Variants in KRT1 observed in about 807,000 individuals in gnomAD.
The protein encoded by KRT1 is keratin, type II cytoskeletal 1.
KRT1 carries 28 observed loss-of-function variants against 51.6 expected under a neutral mutation model. The observed-to-expected ratio is 0.54, with a 90% confidence interval of 0.40 to 0.74. The LOEUF (loss-of-function observed/expected upper bound fraction) is 0.74. Among genes scored for constraint, KRT1 ranks in the 30% least tolerant of loss-of-function variants. The probability of loss-of-function intolerance (pLI) is 0.00; values close to 1 mark genes in which losing one functional copy is unlikely to be tolerated. For missense variants in KRT1, 783 were observed against 815.5 expected, an observed-to-expected ratio of 0.96 and a Z score of 0.49; for synonymous variants, 301 against 307.7, an observed-to-expected ratio of 0.98 and a Z score of 0.23.
Position 52,675,011 on chromosome 12 carries a change from G to T in KRT1, c.*182C>A. ...TAGCCAGGGGACTGAGATTGCCACT[G>T]ATCTGAAAACTTCATTGGGAAACAG... On this transcript the variant is annotated 3_prime_UTR_variant, in exon 9 of 9. Coordinates refer to ENST00000252244, the MANE Select transcript of KRT1 (RefSeq NM_006121.4). The T allele has an allele frequency of 3.5e-6, 3 of 867,852 alleles. No individual in the cohort carries two copies. The highest frequency in any genetic ancestry group is 1.4e-5 in the South Asian group (1 of 69,278). The allele number at this position is 867,852 out of a possible 1,614,324, so 53.8% of individuals were successfully genotyped here.
Position 52,677,700 on chromosome 12 carries a change from G to T in KRT1, c.913C>A (p.Leu305Ile), listed in dbSNP as rs1481400427. 6.2e-7 allele frequency: 1 copy of T among 1,614,202 alleles called. No individual in the cohort carries two copies. Among genetic ancestry groups the T allele is most frequent in the Non-Finnish European group, 8.5e-7 (1 of 1,180,036 alleles). ...TCAATTTCCTGCTGCAAGTTGTCAAGTTTGGCCTGAAGGTCCACCTTGGTC... is the reference window on the plus strand; with the variant it reads ...TCAATTTCCTGCTGCAAGTTGTCAATTTTGGCCTGAAGGTCCACCTTGGTC... ...YMTKVDLQAK[L>I]DNLQQEIDFL... is the part of the protein sequence containing the mutation. The change falls in exon 4 of 9, where the codon CTT (leucine) becomes ATT (isoleucine). Residue 305 changes from leucine (L) to isoleucine (I), a missense_variant. Transcript: ENST00000252244.
chr12:52,675,857 C>T, intron 7 of KRT1, 113 bp from the exon 8 acceptor site: 1 of 1,237,376 alleles, frequency 8.1e-7, no homozygotes, highest in Non-Finnish European at 1.2e-6. Context: ...CTCCAATGCA[C>T]TTAATCTGAA....
In KRT1 at chr12:52,677,496, G is replaced by A. The variant is rs1941527469; in HGVS notation, c.964-16C>T. On this transcript the variant is annotated splice_polypyrimidine_tract_variant and intron_variant, in intron 4 of 8. Coordinates refer to ENST00000252244, the MANE Select transcript of KRT1 (RefSeq NM_006121.4). ...GAGACAACTCCTGCAAGACATAATA[G>A]GTTAGTGACTCTTACAGCACTAAAA... 1.9e-6 allele frequency: 3 copies of A among 1,614,132 alleles called. No homozygotes were observed. Among genetic ancestry groups the A allele is most frequent in the Non-Finnish European group, 2.5e-6 (3 of 1,179,988 alleles).
intron 6 of KRT1, among the ~76,000 whole-genome samples, chr12:52,676,751 C>G (rs1390374440): frequency 1.3e-5 from 2 of 152,180 alleles, no homozygotes; most frequent in African/African-American, 4.8e-5. Context: ...CTTCTAAACA[C>G]CTACTCTAAA....
Position 52,678,205 on chromosome 12 carries a change from G to A in KRT1, c.825C>T (p.Asn275=), listed in dbSNP as rs2121006828. 6.2e-7 allele frequency: 1 copy of A among 1,614,068 alleles called. No homozygotes were observed. The highest frequency in any genetic ancestry group is 2.2e-5 in the East Asian group (1 of 44,890). Residue 275 remains asparagine, a synonymous_variant, in exon 3 of 9, where the codon AAC becomes AAT. Transcript: ENST00000252244. ...ATTCATTCTCTGCATTTGTCCGCTT[G>A]TTGATTTCATCCTCATACCTGCAGG... ...DYRNKYEDEI[N]KRTNAENEFV...
chr12:52,679,940 C>T lies in KRT1; in HGVS notation c.409G>A (p.Gly137Ser), dbSNP rs573966604. ...GGFGGGGFGGGGYGGGYGPVC... is the reference protein window; with the variant it reads ...GGFGGGGFGGSGYGGGYGPVC... ...GGACCATAACCACCCCCATATCCAC[C>T]ACCCCCAAAGCCACCTCCACCAAAA... Residue 137 changes from glycine (G) to serine (S), a missense_variant, in exon 1 of 9, where the codon GGT becomes AGT. Gly to Ser is a moderately conservative substitution (Grantham distance 56). Coordinates refer to ENST00000252244, the MANE Select transcript of KRT1 (RefSeq NM_006121.4). 12 of 1,613,698 alleles carry T rather than the reference C, an allele frequency of 7.4e-6. No homozygotes were observed. The highest frequency in any genetic ancestry group is 3.3e-5 in the Admixed American group (2 of 59,994).
chr12:52,679,637 C>CA (rs1273881945), intron 1 of KRT1, 121 bp downstream of exon 1: 1 of 915,342 alleles, frequency 1.1e-6, no homozygotes, highest in Admixed American at 1.8e-5. Flanking sequence ...GACCATTCCA[C>CA]AAAACATCCT....
Position 52,677,785 on chromosome 12 carries a change from A to G in KRT1, c.868-40T>C, listed in dbSNP as rs767331118. 8 of 1,548,546 alleles carry G rather than the reference A, an allele frequency of 5.2e-6. No individual in the cohort carries two copies. In the African/African-American group the frequency reaches 9.5e-5, roughly 18 times the overall value. The stretch of plus-strand genomic sequence containing the variant: ...GACATCATGAAGGCACATTCTCTCC[A>G]GGGCAGGTCCCTCTCATTACCTGTG... On this transcript the variant is annotated intron_variant, in intron 3 of 8. Coordinates refer to ENST00000252244, the MANE Select transcript of KRT1 (RefSeq NM_006121.4).
rs1238281020 is a variant in KRT1, at chr12:52,677,411, G to A, written c.1033C>T (p.Leu345Phe). Residue 345 changes from leucine (L) to phenylalanine (F), a missense_variant, in exon 5 of 9, where the codon CTC (leucine) becomes TTC (phenylalanine). Coordinates refer to ENST00000252244, the MANE Select transcript of KRT1 (RefSeq NM_006121.4). The stretch of plus-strand genomic sequence containing the variant: ...TCAGCAATGATGCTGTCCAGGTCGA[G>A]ACTGCGGTTGTTGTCCATAGAGAGG... The part of the protein sequence containing the change: ...VILSMDNNRS[L>F]DLDSIIAEVK... The A allele has an allele frequency of 1.9e-6, 3 of 1,614,112 alleles. No individual in the cohort carries two copies. Among genetic ancestry groups the A allele is most frequent in the Non-Finnish European group, 2.5e-6 (3 of 1,180,046 alleles).
Position 52,679,947 on chromosome 12 carries a change from A to T in KRT1, c.402T>A (p.Phe134Leu). Residue 134 changes from phenylalanine to leucine, a missense_variant, in exon 1 of 9, where the codon TTT becomes TTA. Phe to Leu is a conservative substitution (Grantham distance 22). Transcript: ENST00000252244. ...SGGGGFGGGG[F>L]GGGGYGGGYG... ...AACCACCCCCATATCCACCACCCCC[A>T]AAGCCACCTCCACCAAAACCACCAC... 1 of 1,611,996 alleles carries T rather than the reference A, an allele frequency of 6.2e-7. No individual in the cohort carries two copies. Among genetic ancestry groups the T allele is most frequent in the Non-Finnish European group, 8.5e-7 (1 of 1,179,308 alleles).
At chr12:52,676,763 C>T (rs1162238776) in intron 6 of KRT1, among the ~76,000 whole-genome samples, 1 of 152,174 alleles carries the variant, frequency 6.6e-6, no homozygotes, top group Non-Finnish European at 1.5e-5. Flanking sequence ...TACTCTAAAA[C>T]CTCCTGGCTG....
chr12:52,675,663 G>A (rs2120998787), intron 8 of KRT1, 46 bp from the exon 9 acceptor site: 1 of 1,614,200 alleles, frequency 6.2e-7, no homozygotes, highest in Non-Finnish European at 8.5e-7. Context: ...TCCGTTTCCA[G>A]CCCAACAAAG....
chr12:52,675,380 C>T lies in KRT1; in HGVS notation c.1748G>A (p.Ser583Asn), dbSNP rs1275469442. 11 of 1,607,068 alleles carry T rather than the reference C, an allele frequency of 6.8e-6. No individual in the cohort carries two copies. The highest frequency in any genetic ancestry group is 8.5e-6 in the Non-Finnish European group (10 of 1,178,088). ...GGHGSYGSGS[S>N]SGGYRGGSGG... is the part of the protein sequence containing the mutation. Reference sequence around the variant, plus strand: ...AGAGCCACCTCTGTAGCCCCCACTGCTGCTTCCGGAGCCGTAGCTGCCATG... The same window carrying T: ...AGAGCCACCTCTGTAGCCCCCACTGTTGCTTCCGGAGCCGTAGCTGCCATG... The change falls in exon 9 of 9, where the codon AGC (serine) becomes AAC (asparagine). Residue 583 changes from serine (S) to asparagine (N), a missense_variant. By Grantham distance (46) the Ser-to-Asn change is conservative. Transcript: ENST00000252244.
Position 52,677,433 on chromosome 12 carries a change from G to C in KRT1, c.1011C>G (p.Leu337=). 1.2e-6 allele frequency: 2 copies of C among 1,614,248 alleles called. No individual in the cohort carries two copies. Among genetic ancestry groups the C allele is most frequent in the Non-Finnish European group, 1.7e-6 (2 of 1,180,048 alleles). ...QTQISETNVI[L]SMDNNRSLDL... ...CGAGACTGCGGTTGTTGTCCATAGA[G>C]AGGATGACATTAGTTTCACTGATTT... Residue 337 remains leucine, a synonymous_variant, in exon 5 of 9, where the codon CTC becomes CTG. Coordinates refer to ENST00000252244, the MANE Select transcript of KRT1 (RefSeq NM_006121.4).
In KRT1 at chr12:52,677,352, C is replaced by A. The variant is rs1357363912; in HGVS notation, c.1092G>T (p.Lys364Asn). ...ACAAGGACTCGGCCTCAGCTTTGCTCTTCTGGGCTATATCCTCGTACTGGG... is the reference window on the plus strand; with the variant it reads ...ACAAGGACTCGGCCTCAGCTTTGCTATTCTGGGCTATATCCTCGTACTGGG... ...VKAQYEDIAQKSKAEAESLYQ... is the reference protein window; with the variant it reads ...VKAQYEDIAQNSKAEAESLYQ... Residue 364 changes from lysine to asparagine, a missense_variant, in exon 5 of 9, where the codon AAG becomes AAT. Lys to Asn is a moderately conservative substitution (Grantham distance 94). Transcript: ENST00000252244. The A allele has an allele frequency of 1.9e-6, 3 of 1,614,126 alleles. No individual in the cohort carries two copies. The highest frequency in any genetic ancestry group is 1.3e-5 in the African/African-American group (1 of 74,948).
In KRT1 at chr12:52,677,178, C is replaced by A; in HGVS notation, c.1135G>T (p.Glu379Ter). ...TGTCTGCCAGCAGTGATCTGCAGCT[C>A]TTCATACTAAAGATGGTAGATAGCG... is the stretch of plus-strand genomic sequence containing the variant. ...AESLYQSKYE[E>*]LQITAGRHGD... Residue 379 changes from glutamate (E) to a stop codon, truncating the protein, a stop_gained, in exon 6 of 9, where the codon GAG becomes TAG. Coordinates refer to ENST00000252244, the MANE Select transcript of KRT1 (RefSeq NM_006121.4). LOFTEE classifies it high-confidence loss of function. The A allele has an allele frequency of 6.2e-7, 1 of 1,614,210 alleles. No individual in the cohort carries two copies. The highest frequency in any genetic ancestry group is 8.5e-7 in the Non-Finnish European group (1 of 1,180,050).
At position 52,675,483 on chromosome 12, in the gene KRT1, G is replaced by A. The variant is rs770107423; in HGVS notation, c.1645C>T (p.Arg549Cys). Residue 549 changes from arginine (R) to cysteine (C), a missense_variant, in exon 9 of 9, where the codon CGT (arginine) becomes TGT (cysteine). Coordinates refer to ENST00000252244, the MANE Select transcript of KRT1 (RefSeq NM_006121.4). ...YGSGGGGGGG[R>C]GSYGSGGSSY... ...CTACCTCCGGAGCCATAGCTGCCAC[G>A]GCCGCCGCCGCCGCCACCTCCAGAA... 1 of 1,477,544 alleles carries A rather than the reference G, an allele frequency of 6.8e-7. No individual in the cohort carries two copies. Among genetic ancestry groups the A allele is most frequent in the Non-Finnish European group, 9.2e-7 (1 of 1,089,074 alleles). 91.5% of individuals were successfully genotyped at this position (1,477,544 alleles called of 1,614,324 possible).
At chr12:52,679,368 C>A (rs1186422477) in intron 1 of KRT1, among the ~76,000 whole-genome samples, 1 of 152,142 alleles carries the variant, frequency 6.6e-6, no homozygotes, top group South Asian at 2.1e-4. Context: ...ACACTCTATA[C>A]TATGTTCACA....
Position 52,679,452 on chromosome 12 carries a change from C to T in KRT1, c.591+306G>A, listed in dbSNP as rs542953705. Among the ~76,000 whole-genome samples, 9 of 152,238 alleles carry T rather than the reference C, an allele frequency of 5.9e-5. No individual in the cohort carries two copies. The South Asian group carries it at 1.7e-3, about 28-fold the overall frequency. On this transcript the variant is annotated intron_variant, in intron 1 of 8. Transcript: ENST00000252244. ...GCACCCTGGAAAGTTCAGTTAGCCCCATTTCTATTATCTTCATTCAACAGA... is the reference window on the plus strand; with the variant it reads ...GCACCCTGGAAAGTTCAGTTAGCCCTATTTCTATTATCTTCATTCAACAGA...
Sources: allele counts gnomAD v4.1 joint callset (sites outside exome capture counted in the v4.1 genomes callset), GRCh38; gene constraint gnomAD v4.1.1; transcripts MANE v1.5; gene names NCBI Gene and HGNC (gene_info 2026-07-23, HGNC 2026-07-21).